The following LRRC4C variants were observed in gnomAD, a reference collection of about 807,000 sequenced individuals.
The protein encoded by LRRC4C is leucine-rich repeat-containing protein 4C.
In LRRC4C, 5 loss-of-function variants were observed where a neutral mutation model predicts 33.6. The observed-to-expected ratio is 0.15, with a 90% CI of 0.08 to 0.31. The LOEUF is 0.31. LRRC4C is among the 10% of genes least tolerant of loss of function. LRRC4C has a pLI of 1.00. For missense variants in LRRC4C, 560 were observed against 796.7 expected (o/e 0.70, Z 3.58); for synonymous variants, 329 against 302.0 (o/e 1.09, Z -0.93).
intron 1 of LRRC4C, among the ~76,000 whole-genome samples, chr11:40,937,808 TTTG>T (rs1221552849): frequency 2.6e-5 from 4 of 151,938 alleles, no homozygotes; most frequent in East Asian, 1.9e-4. Context: ...TGCCCAGCTT[TTTG>T]TTGTTGTTGT....
At chr11:40,949,162 T>C (rs1419571548) in intron 1 of LRRC4C, among the ~76,000 whole-genome samples, 2 of 152,200 alleles carry the variant, frequency 1.3e-5, no homozygotes, top group East Asian at 3.9e-4. Context: ...TGCATAAATG[T>C]CTTCTTTTGA....
chr11:40,380,076 G>A (rs578035590), intron 3 of LRRC4C, among the ~76,000 whole-genome samples: 1 of 152,248 alleles, frequency 6.6e-6, no homozygotes, highest in Non-Finnish European at 1.5e-5. Flanking sequence ...GTATATTTCA[G>A]TGAAACCATG....
intron 5 of LRRC4C, among the ~76,000 whole-genome samples, chr11:40,219,946 G>T (rs1041218758): frequency 4.6e-5 from 7 of 152,116 alleles, no homozygotes; most frequent in Non-Finnish European, 1.0e-4. Context: ...GTGTTAACTT[G>T]CTTCTTTGTA....
chr11:40,337,345 T>G lies in LRRC4C; in HGVS notation c.-269-17624A>C, dbSNP rs921456786. ...AGGAAACCATGCAATGTAATTTACATTTTTAAATAATCAGTCTAGCTCCTG... is the reference window on the plus strand; with the variant it reads ...AGGAAACCATGCAATGTAATTTACAGTTTTAAATAATCAGTCTAGCTCCTG... On this transcript the variant is annotated intron_variant, in intron 3 of 6. Transcript: ENST00000528697. Among the ~76,000 whole-genome samples, 7 of 152,212 alleles carry G rather than the reference T, an allele frequency of 4.6e-5. No homozygotes were observed. The South Asian group carries it at 1.4e-3, about 32-fold the overall frequency.
At chr11:40,674,826 T>C (rs1256241459) in intron 2 of LRRC4C, among the ~76,000 whole-genome samples, 4 of 152,080 alleles carry the variant, frequency 2.6e-5, no homozygotes. Context: ...TTTTAATTTC[T>C]ATCAAAACTC....
At chr11:40,621,004 G>A (rs1962398147) in intron 3 of LRRC4C, among the ~76,000 whole-genome samples, 1 of 151,596 alleles carries the variant, frequency 6.6e-6, no homozygotes, top group Non-Finnish European at 1.5e-5. Flanking sequence ...GGTGAGGGCT[G>A]GAGAGTGCAT....
intron 6 of LRRC4C, among the ~76,000 whole-genome samples, chr11:40,129,390 G>GA: frequency 6.6e-6 from 1 of 152,172 alleles, no homozygotes; most frequent in South Asian, 2.1e-4. Flanking sequence ...TGATAAAGTC[G>GA]GGGAGATTTC....
chr11:40,823,719 C>T (rs12361450), intron 2 of LRRC4C, among the ~76,000 whole-genome samples: 1 of 151,710 alleles, frequency 6.6e-6, no homozygotes, highest in Non-Finnish European at 1.5e-5. Flanking sequence ...ATCTGGAATG[C>T]TCATATATTG....
intron 3 of LRRC4C, among the ~76,000 whole-genome samples, chr11:40,488,235 A>C (rs893095933): frequency 3.9e-5 from 6 of 152,080 alleles, no homozygotes; most frequent in African/African-American, 1.2e-4. Context: ...CTTCTGGCTT[A>C]ACTCAAACCA....
At chr11:40,612,657 G>T (rs1366730004) in intron 3 of LRRC4C, among the ~76,000 whole-genome samples, 1 of 151,830 alleles carries the variant, frequency 6.6e-6, no homozygotes, top group Admixed American at 6.6e-5. Context: ...ATTTTTTAAA[G>T]ATTCGTGGTC....
At chr11:40,241,205 A>G (rs934263248) in intron 5 of LRRC4C, among the ~76,000 whole-genome samples, 2 of 152,080 alleles carry the variant, frequency 1.3e-5, no homozygotes, top group African/African-American at 4.8e-5. Flanking sequence ...ACATAGCAAG[A>G]GCCCTGTCTC....
intron 3 of LRRC4C, among the ~76,000 whole-genome samples, chr11:40,352,914 T>C (rs1947478642): frequency 6.6e-6 from 1 of 152,200 alleles, no homozygotes; most frequent in Non-Finnish European, 1.5e-5. Context: ...TTGCCTGACC[T>C]GTAAGGTTTC....
At chr11:40,539,041 C>G (rs1045862535) in intron 3 of LRRC4C, among the ~76,000 whole-genome samples, 10 of 151,984 alleles carry the variant, frequency 6.6e-5, no homozygotes, top group African/African-American at 9.7e-5. Context: ...GATATTAGCC[C>G]ACTCTTTAGT....
At chr11:40,715,506 T>A (rs983385304) in intron 2 of LRRC4C, among the ~76,000 whole-genome samples, 13 of 152,208 alleles carry the variant, frequency 8.5e-5, no homozygotes, top group African/African-American at 3.1e-4. Context: ...ATTGAATGTG[T>A]ACCTACCTAC....
intron 1 of LRRC4C, among the ~76,000 whole-genome samples, chr11:41,282,230 T>A (rs983165671): frequency 6.6e-5 from 10 of 152,172 alleles, no homozygotes; most frequent in Middle Eastern, 3.2e-3. Flanking sequence ...AGATTTTAAG[T>A]GTGCTATGAA....
chr11:40,172,244 T>G lies in LRRC4C; in HGVS notation c.-95-31391A>C, dbSNP rs138709741. On this transcript the variant is annotated intron_variant, in intron 5 of 6. Coordinates refer to ENST00000528697, the MANE Select transcript of LRRC4C (RefSeq NM_001258419.2). ...TCTGTTATTTATAAATCACCCAGTCTTAGGTTATTTTGTTATAGTAGCACA... is the reference window on the plus strand; with the variant it reads ...TCTGTTATTTATAAATCACCCAGTCGTAGGTTATTTTGTTATAGTAGCACA... Among the ~76,000 whole-genome samples, 1,016 of 152,290 alleles carry G rather than the reference T, an allele frequency of 6.7e-3. 14 individuals are homozygous for G. Among genetic ancestry groups the G allele is most frequent in the African/African-American group, 0.023 (959 of 41,562 alleles).
At chr11:40,959,802 T>C (rs1293802418) in intron 1 of LRRC4C, among the ~76,000 whole-genome samples, 1 of 151,666 alleles carries the variant, frequency 6.6e-6, no homozygotes, top group East Asian at 1.9e-4. Context: ...TGATTGCTCT[T>C]TTAATGGCAT....
At chr11:40,388,442 G>C (rs932757238) in intron 3 of LRRC4C, among the ~76,000 whole-genome samples, 1 of 152,140 alleles carries the variant, frequency 6.6e-6, no homozygotes, top group Non-Finnish European at 1.5e-5. Context: ...TGCGCTTGGA[G>C]GGATGAAAAA....
chr11:41,143,485 C>A (rs1016655), intron 1 of LRRC4C, among the ~76,000 whole-genome samples: 84,206 of 151,836 alleles, frequency 0.55, 24,564 homozygotes, highest in South Asian at 0.71. Flanking sequence ...ATGAATCCAA[C>A]CAAAATTAAC....
Sources: allele counts gnomAD v4.1 joint callset (sites outside exome capture counted in the v4.1 genomes callset), GRCh38; gene constraint gnomAD v4.1.1; transcripts MANE v1.5; gene names NCBI Gene and HGNC (gene_info 2026-07-23, HGNC 2026-07-21).